Variants in COL19A1 observed in about 807,000 individuals in gnomAD.
COL19A1 encodes collagen alpha-1(XIX) chain.
A neutral mutation model predicts 190.2 loss-of-function variants in COL19A1; 159 were observed. That is an observed-to-expected ratio of 0.84 (90% confidence interval 0.73 to 0.95). The LOEUF (loss-of-function observed/expected upper bound fraction) is 0.95. Ranked by LOEUF, COL19A1 falls within the 40% of genes least tolerant of loss-of-function variation. The probability of loss-of-function intolerance (pLI) is 0.00; values close to 1 mark genes in which losing one functional copy is unlikely to be tolerated. For synonymous variants in COL19A1, 509 were observed against 458.9 expected (o/e 1.11, Z -1.39); for missense variants, 1,418 against 1,431.9 (o/e 0.99, Z 0.16).
chr6:70,076,643 C>T (rs1010540335), intron 15 of COL19A1, among the ~76,000 whole-genome samples: 1 of 152,158 alleles, frequency 6.6e-6, no homozygotes, highest in Non-Finnish European at 1.5e-5. Context: ...AGCCAAATCA[C>T]TCAAGACTCT....
At chr6:70,038,351 G>A (rs12663681) in intron 14 of COL19A1, among the ~76,000 whole-genome samples, 3,982 of 152,238 alleles carry the variant, frequency 0.026, 102 homozygotes, top group Middle Eastern at 0.082. Context: ...AAAGCTCCCC[G>A]AGTGGATCTA....
chr6:70,195,133 G>GAATATATATAT (rs1193183065), intron 48 of COL19A1, among the ~76,000 whole-genome samples: 1 of 84,524 alleles, frequency 1.2e-5, no homozygotes, highest in African/African-American at 6.0e-5. Flanking sequence ...ATACATCATT[G>GAATATATATAT]ATGATATATA....
At chr6:69,886,144 A>G (rs1768916119) in intron 2 of COL19A1, among the ~76,000 whole-genome samples, 1 of 152,262 alleles carries the variant, frequency 6.6e-6, no homozygotes, top group Non-Finnish European at 1.5e-5. Flanking sequence ...AGTAAAACAA[A>G]TAATCTGATT....
chr6:69,886,112 C>T lies in COL19A1; in HGVS notation c.91+6454C>T, dbSNP rs147627946. On this transcript the variant is annotated intron_variant, in intron 2 of 50. Transcript: ENST00000620364. ...CATGGTTAATATACAAAATTTATAA[C>T]GTATTTTTAAAACTCAATATCAGTA... is the stretch of plus-strand genomic sequence containing the variant. Among the ~76,000 whole-genome samples the T allele has an allele frequency of 9.8e-3, 1,494 of 152,116 alleles. 26 individuals are homozygous for T. The highest frequency in any genetic ancestry group is 0.034 in the African/African-American group (1,420 of 41,498).
chr6:69,919,822 T>C (rs2149996914), intron 4 of COL19A1, among the ~76,000 whole-genome samples: 1 of 152,318 alleles, frequency 6.6e-6, no homozygotes, highest in Admixed American at 6.5e-5. Flanking sequence ...CTTTTTCTCC[T>C]AATGCTTCAG....
At chr6:70,130,892 A>G (rs1267530048) in intron 18 of COL19A1, among the ~76,000 whole-genome samples, 1 of 152,198 alleles carries the variant, frequency 6.6e-6, no homozygotes, top group African/African-American at 2.4e-5. Context: ...CAGGCTCACT[A>G]TTTTGTGTCT....
intron 11 of COL19A1, among the ~76,000 whole-genome samples, chr6:69,967,647 G>C (rs1269581008): frequency 6.6e-6 from 1 of 152,060 alleles, no homozygotes; most frequent in African/African-American, 2.4e-5. Context: ...CCAGTGACTT[G>C]TGATTTTTTT....
intron 48 of COL19A1, 103 bp from the exon 49 acceptor site, chr6:70,199,505 A>G: frequency 1.0e-6 from 1 of 960,640 alleles, no homozygotes; most frequent in Non-Finnish European, 1.4e-6. Context: ...TGCTTAAATT[A>G]AAAACTAAAT....
At chr6:69,928,616 G>T (rs971072831) in intron 5 of COL19A1, among the ~76,000 whole-genome samples, 1 of 152,152 alleles carries the variant, frequency 6.6e-6, no homozygotes, top group Non-Finnish European at 1.5e-5. Flanking sequence ...AACAAGTGCA[G>T]TGGTAGAGTT....
rs556313120 is a variant in COL19A1 at position 70,068,657 on chromosome 6, A to G, written c.1224+181A>G. ...GAGGTTTTGCAATTCAGAAAATTCTATATTTTTCAAGATTGGCAGCACAAG... is the reference window on the plus strand; with the variant it reads ...GAGGTTTTGCAATTCAGAAAATTCTGTATTTTTCAAGATTGGCAGCACAAG... On this transcript the variant is annotated intron_variant, in intron 15 of 50. Coordinates refer to ENST00000620364, the MANE Select transcript of COL19A1 (RefSeq NM_001858.6). 1.2e-4 allele frequency among the ~76,000 whole-genome samples: 18 copies of G among 152,138 alleles called. 1 individual carries two copies. In the South Asian group the frequency reaches 3.7e-3, roughly 31 times the overall value.
At chr6:70,054,663 C>T (rs1780392678) in intron 14 of COL19A1, among the ~76,000 whole-genome samples, 1 of 152,070 alleles carries the variant, frequency 6.6e-6, no homozygotes, top group Non-Finnish European at 1.5e-5. Flanking sequence ...AAGAATCAAA[C>T]AGTACTGTTA....
At chr6:70,057,598 A>C (rs1403404585) in intron 14 of COL19A1, among the ~76,000 whole-genome samples, 1 of 152,034 alleles carries the variant, frequency 6.6e-6, no homozygotes, top group East Asian at 1.9e-4. Flanking sequence ...TCTTCTGTTC[A>C]TGTTGTTTTT....
At chr6:69,932,445 G>A (rs1354750257) in intron 6 of COL19A1, among the ~76,000 whole-genome samples, 1 of 151,346 alleles carries the variant, frequency 6.6e-6, no homozygotes, top group East Asian at 1.9e-4. Flanking sequence ...TTTTGAAATG[G>A]CCTCATTTTG....
intron 11 of COL19A1, among the ~76,000 whole-genome samples, chr6:69,980,147 A>G (rs1463916553): frequency 8.5e-5 from 13 of 152,056 alleles, no homozygotes; most frequent in Non-Finnish European, 1.9e-4. Context: ...TTAGAAATTT[A>G]GGGTGAACTT....
At chr6:70,159,156 A>AAT (rs904120728) in intron 34 of COL19A1, among the ~76,000 whole-genome samples, 1 of 151,958 alleles carries the variant, frequency 6.6e-6, no homozygotes, top group Non-Finnish European at 1.5e-5. Context: ...GCAAAAAAAA[A>AAT]AAAGGAATAC....
At chr6:70,137,189 TC>T (rs1170989361) in intron 18 of COL19A1, among the ~76,000 whole-genome samples, 2 of 152,174 alleles carry the variant, frequency 1.3e-5, no homozygotes, top group Admixed American at 6.6e-5. Flanking sequence ...CAGCCAATCA[TC>T]TAAGTAGCAT....
At chr6:70,075,080 G>A (rs1781805590) in intron 15 of COL19A1, among the ~76,000 whole-genome samples, 1 of 152,104 alleles carries the variant, frequency 6.6e-6, no homozygotes, top group Non-Finnish European at 1.5e-5. Context: ...TTGGCATACA[G>A]ATAACATCGT....
At chr6:70,146,759 GA>G in intron 26 of COL19A1, 52 bp from the exon 27 acceptor site, 1 of 1,590,262 alleles carries the variant, frequency 6.3e-7, no homozygotes, top group South Asian at 1.2e-5. Flanking sequence ...AAATACAGCA[GA>G]AAAATGTATG....
At chr6:69,938,494 CT>C (rs5877235) in intron 9 of COL19A1, among the ~76,000 whole-genome samples, 16,320 of 149,802 alleles carry the variant, frequency 0.11, 978 homozygotes, top group Middle Eastern at 0.16. Flanking sequence ...AGCTCTCTAC[CT>C]TTTTTTTTTA....
Sources: gnomAD v4.1 joint callset for allele counts (sites outside exome capture counted in the v4.1 genomes callset) on GRCh38, gnomAD v4.1.1 for gene constraint, MANE v1.5 for transcripts, NCBI Gene and HGNC (gene_info 2026-07-23, HGNC 2026-07-21) for gene names.